Variants in DEF6 observed in about 807,000 individuals in gnomAD.
DEF6 encodes the protein DEF6 guanine nucleotide exchange factor.
Under a neutral mutation model 80.5 loss-of-function variants are expected in DEF6, and 32 were observed. The ratio of observed to expected loss-of-function variants is 0.40; its 90% confidence interval spans 0.30 to 0.53. The LOEUF is 0.53. Ranked by LOEUF, DEF6 falls within the 20% of genes least tolerant of loss-of-function variation. The pLI is 0.57. For missense variants in DEF6, 575 were observed against 818.7 expected (o/e 0.70, Z 3.63); for synonymous variants, 300 against 337.9 (o/e 0.89, Z 1.23).
chr6:35,298,541 T>C (rs529580313), intron 1 of DEF6, among the ~76,000 whole-genome samples: 8 of 152,146 alleles, frequency 5.3e-5, no homozygotes, highest in African/African-American at 1.2e-4. Context: ...ACCACACATA[T>C]CAGGTTGGGA....
At chr6:35,315,898 G>A (rs1434434615) in intron 5 of DEF6, among the ~76,000 whole-genome samples, 4 of 114,508 alleles carry the variant, frequency 3.5e-5, no homozygotes, top group Admixed American at 1.2e-4. Context: ...TGCTTTTATC[G>A]CCCAGGCTGG....
At chr6:35,300,644 T>C (rs1318223843) in intron 1 of DEF6, among the ~76,000 whole-genome samples, 1 of 152,158 alleles carries the variant, frequency 6.6e-6, no homozygotes, top group African/African-American at 2.4e-5. Context: ...TCCAGTTGGG[T>C]TGAGAACAGA....
At position 35,321,362 on chromosome 6, in the gene DEF6, G is replaced by T; in HGVS notation, c.1848G>T (p.Pro616=). The T allele has an allele frequency of 1.9e-6, 3 of 1,614,050 alleles. No individual in the cohort carries two copies. The highest frequency in any genetic ancestry group is 2.5e-6 in the Non-Finnish European group (3 of 1,179,974). ...ATGGTGGGGATGAGGCTCCTGCCCC[G>T]GCTTCCACCCCTCAGGAAGATAAAC... The part of the protein sequence containing the change: ...SLNGGDEAPA[P]ASTPQEDKLD... Residue 616 remains proline, a synonymous_variant, in exon 11 of 11, where the codon CCG becomes CCT. Transcript: ENST00000316637.
At chr6:35,317,726 A>T in intron 5 of DEF6, 165 bp from the exon 6 acceptor site, 10 of 550,724 alleles carry the variant, frequency 1.8e-5, no homozygotes, top group Admixed American at 3.2e-5. Context: ...GTGGGGACTT[A>T]AGTCCCCCAT....
At position 35,318,480 on chromosome 6, in the gene DEF6, A is replaced by G; in HGVS notation, c.1215+9A>G. On this transcript the variant is annotated intron_variant, in intron 7 of 10. Transcript: ENST00000316637. The surrounding 1 kb of genome is among the most constrained non-coding windows in gnomAD (Gnocchi z 5.1). ...TGCGCGAGGCGGAGCAGGTGGGGTT[A>G]GCTCCCGGCGCCGGGGACGGGACCG... 2 of 1,389,908 alleles carry G rather than the reference A, an allele frequency of 1.4e-6. No individual in the cohort carries two copies. Among genetic ancestry groups the G allele is most frequent in the East Asian group, 3.0e-5 (1 of 33,656 alleles). The allele number at this position is 1,389,908 out of a possible 1,614,324, so 86.1% of individuals were successfully genotyped here. A position where few individuals can be genotyped will look rare whatever the true frequency, so the allele number is the denominator to read the frequency against.
chr6:35,303,082 C>T (rs989953578), intron 1 of DEF6, among the ~76,000 whole-genome samples: 1 of 152,178 alleles, frequency 6.6e-6, no homozygotes, highest in African/African-American at 2.4e-5. Context: ...CGCACCCAGG[C>T]ACAGGAAGCT....
chr6:35,315,659 C>T (rs1407394191), intron 5 of DEF6, among the ~76,000 whole-genome samples: 2 of 152,054 alleles, frequency 1.3e-5, no homozygotes, highest in East Asian at 3.9e-4. Context: ...ATAGATCTTT[C>T]ACTTTGGTTA....
chr6:35,313,414 C>A lies in DEF6; in HGVS notation c.807+642C>A, dbSNP rs75338376. 1.9e-4 allele frequency: 68 copies of A among 351,222 alleles called. No individual in the cohort carries two copies. In the East Asian group the frequency reaches 5.9e-3, roughly 30 times the overall value. The allele number at this position is 351,222 out of a possible 1,614,324, so 21.8% of individuals were successfully genotyped here. A position where few individuals can be genotyped will look rare whatever the true frequency, so the allele number is the denominator to read the frequency against. On this transcript the variant is annotated intron_variant, in intron 5 of 10. Coordinates refer to ENST00000316637, the MANE Select transcript of DEF6 (RefSeq NM_022047.4). Reference sequence around the variant, plus strand: ...ATACATTCATATATTTTATAAAAATCAAATCATGTCATTAGGTATCCTTTA... The same window carrying A: ...ATACATTCATATATTTTATAAAAATAAAATCATGTCATTAGGTATCCTTTA...
At position 35,297,839 on chromosome 6, in the gene DEF6, C is replaced by A; in HGVS notation, c.-18C>A. On this transcript the variant is annotated 5_prime_UTR_variant, in exon 1 of 11. Coordinates refer to ENST00000316637, the MANE Select transcript of DEF6 (RefSeq NM_022047.4). The stretch of plus-strand genomic sequence containing the variant: ...TCTTAGTGTCAGAGCCGCCCCCAGC[C>A]GGGCGGGCGCCTCAGCCATGGCCCT... The A allele has an allele frequency of 6.3e-7, 1 of 1,576,792 alleles. No individual in the cohort carries two copies. The highest frequency in any genetic ancestry group is 8.6e-7 in the Non-Finnish European group (1 of 1,161,208).
In DEF6 at chr6:35,320,954, T is replaced by C; in HGVS notation, c.1652T>C (p.Met551Thr). 1 of 1,612,894 alleles carries C rather than the reference T, an allele frequency of 6.2e-7. No individual in the cohort carries two copies. The highest frequency in any genetic ancestry group is 8.5e-7 in the Non-Finnish European group (1 of 1,179,382). The change falls in exon 10 of 11, where the codon ATG becomes ACG. Residue 551 changes from methionine to threonine, a missense_variant. Coordinates refer to ENST00000316637, the MANE Select transcript of DEF6 (RefSeq NM_022047.4). ...KHWNVQMNRL[M>T]HPIEPGDKRP... is the part of the protein sequence containing the mutation. ...TGGAATGTCCAGATGAACCGGCTGA[T>C]GCATCCAATTGAGCCTGGAGGTGAG...
chr6:35,319,496 C>T lies in DEF6; in HGVS notation c.1216-28C>T, dbSNP rs1325706571. 6 of 1,566,842 alleles carry T rather than the reference C, an allele frequency of 3.8e-6. No individual in the cohort carries two copies. The South Asian group carries it at 6.7e-5, about 18-fold the overall frequency. On this transcript the variant is annotated intron_variant, in intron 7 of 10. Coordinates refer to ENST00000316637, the MANE Select transcript of DEF6 (RefSeq NM_022047.4). This position sits in a 1 kb window ranked among gnomAD's most constrained non-coding sequence, Gnocchi z 4.5. ...CCCACGTGCCCCTTTTGACCTGGCT[C>T]TTGGTCCACCACCTCCCCCCTCCAC...
chr6:35,300,241 G>A (rs1791297080), intron 1 of DEF6, among the ~76,000 whole-genome samples: 1 of 152,056 alleles, frequency 6.6e-6, no homozygotes, highest in African/African-American at 2.4e-5. Context: ...TGCCCCGGCT[G>A]GTTTCAGACT....
intron 1 of DEF6, among the ~76,000 whole-genome samples, chr6:35,305,324 C>G (rs1791374743): frequency 6.7e-6 from 1 of 149,984 alleles, no homozygotes; most frequent in Non-Finnish European, 1.5e-5. Context: ...TTTGGTATTA[C>G]AAAAAAATTT....
chr6:35,317,853 T>C, intron 5 of DEF6, 38 bp from the exon 6 acceptor site: 2 of 1,588,260 alleles, frequency 1.3e-6, no homozygotes, highest in South Asian at 2.3e-5. Flanking sequence ...CCTGACCCAG[T>C]GAGGCCAGCC....
chr6:35,319,925 G>C lies in DEF6; in HGVS notation c.1489G>C (p.Glu497Gln). The C allele has an allele frequency of 6.4e-7, 1 of 1,570,468 alleles. No individual in the cohort carries two copies. The highest frequency in any genetic ancestry group is 1.2e-5 in the South Asian group (1 of 85,576). Residue 497 changes from glutamate (E) to glutamine (Q), a missense_variant, in exon 9 of 11, where the codon GAG becomes CAG. Glu to Gln is a conservative substitution (Grantham distance 29). Coordinates refer to ENST00000316637, the MANE Select transcript of DEF6 (RefSeq NM_022047.4). This position sits in a 1 kb window ranked among gnomAD's most constrained non-coding sequence, Gnocchi z 4.5. ...GCAGGAGAAGGAAGAGCTGCAGCAG[G>C]AGATGGCACAGCAGAGCCGCTCCCT... is the stretch of plus-strand genomic sequence containing the variant. ...AQQEKEELQQEMAQQSRSLQQ... is the reference protein window; with the variant it reads ...AQQEKEELQQQMAQQSRSLQQ...
chr6:35,311,886 C>T (rs918306502), intron 3 of DEF6, among the ~76,000 whole-genome samples: 10 of 152,214 alleles, frequency 6.6e-5, no homozygotes, highest in Admixed American at 2.6e-4. Context: ...GTTCTGGCTG[C>T]CCCCAGTTTG....
Position 35,319,214 on chromosome 6 carries a change from G to A in DEF6, c.1216-310G>A, listed in dbSNP as rs1447974612. Among the ~76,000 whole-genome samples the A allele has an allele frequency of 2.0e-5, 3 of 151,708 alleles. No individual in the cohort carries two copies. Among genetic ancestry groups the A allele is most frequent in the East Asian group, 1.9e-4 (1 of 5,180 alleles). ...TAATTATTAAGTTAGTGCTAGGAAG[G>A]AGATGACCATATTTTTATATCTTAT... is the stretch of plus-strand genomic sequence containing the variant. On this transcript the variant is annotated intron_variant, in intron 7 of 10. Transcript: ENST00000316637. The surrounding 1 kb of genome is among the most constrained non-coding windows in gnomAD (Gnocchi z 4.5).
chr6:35,319,742 C>T lies in DEF6; in HGVS notation c.1382+52C>T, dbSNP rs1410163839. The T allele has an allele frequency of 9.3e-6, 15 of 1,609,950 alleles. No individual in the cohort carries two copies. In the South Asian group the frequency reaches 1.4e-4, roughly 15 times the overall value. ...CTCTCACCACCCCTCCTGGAACACA[C>T]CCCAGTTTTCCTGCTTGCTGTGCAC... On this transcript the variant is annotated intron_variant, in intron 8 of 10. Coordinates refer to ENST00000316637, the MANE Select transcript of DEF6 (RefSeq NM_022047.4). This position sits in a 1 kb window ranked among gnomAD's most constrained non-coding sequence, Gnocchi z 4.5.
chr6:35,316,230 C>T (rs1791524792), intron 5 of DEF6: 1 of 152,110 alleles, frequency 6.6e-6, no homozygotes, highest in Admixed American at 6.6e-5. Context: ...GTGTCGAACT[C>T]CTGGCCTCAA....
Sources: allele counts gnomAD v4.1 joint callset (sites outside exome capture counted in the v4.1 genomes callset), GRCh38; gene constraint gnomAD v4.1.1; non-coding constraint Gnocchi (gnomAD v3.1); transcripts MANE v1.5; gene names NCBI Gene and HGNC (gene_info 2026-07-23, HGNC 2026-07-21).